The following CCT3 variants were observed in gnomAD, a reference collection of about 807,000 sequenced individuals.
CCT3 encodes the protein chaperonin containing TCP1 subunit 3.
A neutral mutation model predicts 65.3 loss-of-function variants in CCT3; 10 were observed. That is an observed-to-expected ratio of 0.15 (90% CI 0.09 to 0.26). The LOEUF is 0.26. Among genes scored for constraint, CCT3 ranks in the 10% least tolerant of loss-of-function variants. CCT3 has a pLI of 1.00. For missense variants in CCT3, 626 were observed against 708.7 expected (o/e 0.88, Z 1.33); for synonymous variants, 225 against 242.3 (o/e 0.93, Z 0.66).
At chr1:156,335,022 G>A in intron 2 of CCT3, 104 bp from the exon 3 acceptor site, 6 of 894,394 alleles carry the variant, frequency 6.7e-6, no homozygotes, top group South Asian at 6.4e-5. Context: ...CAGAGTCAGT[G>A]TTTTATTTTA....
At chr1:156,334,592 C>T (rs1311690707) in intron 4 of CCT3, 121 bp downstream of exon 4, 1 of 858,222 alleles carries the variant, frequency 1.2e-6, no homozygotes, top group East Asian at 2.7e-5. Context: ...TGAAGCCAAC[C>T]AGTTTCTGGT....
chr1:156,309,512 C>T (rs904355086), intron 13 of CCT3, among the ~76,000 whole-genome samples: 5 of 151,920 alleles, frequency 3.3e-5, no homozygotes, highest in South Asian at 2.1e-4. Context: ...CTGCAACCTC[C>T]GCCTCCCGGG....
At chr1:156,325,834 C>T (rs1184509924) in intron 5 of CCT3, among the ~76,000 whole-genome samples, 2 of 151,952 alleles carry the variant, frequency 1.3e-5, no homozygotes, top group Non-Finnish European at 1.5e-5. Flanking sequence ...CTGTCCACCT[C>T]GGCCACCCAA....
At chr1:156,337,869 A>C (rs1665508126) in intron 1 of CCT3, 2 of 494,376 alleles carry the variant, frequency 4.0e-6, no homozygotes, top group Admixed American at 3.6e-5. Context: ...GGGGCGGGGG[A>C]AGCGTGGGGG....
chr1:156,337,942 G>T (rs1665515013), intron 1 of CCT3, among the ~76,000 whole-genome samples: 1 of 152,194 alleles, frequency 6.6e-6, no homozygotes, highest in African/African-American at 2.4e-5. Context: ...AAGGAAAGAG[G>T]CTCGGCGAGA....
rs199588420 is a variant in CCT3, at chr1:156,311,109, G to A, written c.1242C>T (p.Ser414=). 6.4e-5 allele frequency: 103 copies of A among 1,614,148 alleles called. No homozygotes were observed. The highest frequency in any genetic ancestry group is 5.1e-4 in the East Asian group (23 of 44,884). ...TCAAGGCATGGGCCACAGCCATCTC[G>A]GAGGCCCCACCCCCTGGCACCAGCT... ...DPQLVPGGGA[S]EMAVAHALTE... The change falls in exon 12 of 14, where the codon TCC becomes TCT. Residue 414 remains serine, a synonymous_variant. Coordinates refer to ENST00000295688, the MANE Select transcript of CCT3 (RefSeq NM_005998.5).
intron 1 of CCT3, among the ~76,000 whole-genome samples, chr1:156,336,682 T>C (rs776048995): frequency 2.6e-5 from 4 of 152,310 alleles, no homozygotes; most frequent in South Asian, 4.1e-4. Flanking sequence ...CCCCAGGCCA[T>C]GTCAGTGGAG....
rs1384032956 is a variant in CCT3, at chr1:156,338,176, G to C, written c.9C>G (p.Gly3=). The part of the protein sequence containing the change: MM[G]HRPVLVLSQN... Reference sequence around the variant, plus strand: ...CACTGAGCACGAGCACTGGACGATGGCCCATCATGGCGACGCGATGCAGAG... The same window carrying C: ...CACTGAGCACGAGCACTGGACGATGCCCCATCATGGCGACGCGATGCAGAG... The change falls in exon 1 of 14, where the codon GGC becomes GGG. Residue 3 remains glycine (G), a synonymous_variant. Coordinates refer to ENST00000295688, the MANE Select transcript of CCT3 (RefSeq NM_005998.5). 1 of 1,588,542 alleles carries C rather than the reference G, an allele frequency of 6.3e-7. No individual in the cohort carries two copies. The highest frequency in any genetic ancestry group is 1.2e-5 in the South Asian group (1 of 86,606).
intron 5 of CCT3, among the ~76,000 whole-genome samples, chr1:156,326,193 G>A (rs1271088081): frequency 6.6e-6 from 1 of 152,024 alleles, no homozygotes; most frequent in Non-Finnish European, 1.5e-5. Flanking sequence ...AAATTAGCCA[G>A]GTATGGTGGC....
chr1:156,336,792 G>C (rs891747838), intron 1 of CCT3, among the ~76,000 whole-genome samples: 2 of 151,862 alleles, frequency 1.3e-5, no homozygotes, highest in Non-Finnish European at 2.9e-5. Context: ...TTTCAATCCA[G>C]TCCCATCAAA....
Position 156,325,100 on chromosome 1 carries a change from T to C in CCT3, c.305-11A>G, listed in dbSNP as rs1399469052. On this transcript the variant is annotated splice_polypyrimidine_tract_variant and intron_variant, in intron 5 of 13. Transcript: ENST00000295688. ...ACAGCATTTCCCCTGCTGAAAAAGA[T>C]ACAAGCACCATAGTAATATTTAAAG... 1 of 1,564,726 alleles carries C rather than the reference T, an allele frequency of 6.4e-7. No homozygotes were observed. The highest frequency in any genetic ancestry group is 8.8e-7 in the Non-Finnish European group (1 of 1,138,608).
chr1:156,332,479 A>G (rs971329638), intron 5 of CCT3, among the ~76,000 whole-genome samples: 4 of 152,222 alleles, frequency 2.6e-5, no homozygotes, highest in Non-Finnish European at 4.4e-5. Flanking sequence ...TCATTATCCT[A>G]AAGATTTCAT....
chr1:156,313,339 A>T (rs79546912), intron 10 of CCT3, among the ~76,000 whole-genome samples: 2 of 121,504 alleles, frequency 1.6e-5, no homozygotes, highest in Non-Finnish European at 3.4e-5. Flanking sequence ...ATTCTGTCTC[A>T]AAAAAAAAAA....
At chr1:156,309,910 C>T (rs1664006136) in intron 13 of CCT3, among the ~76,000 whole-genome samples, 1 of 151,272 alleles carries the variant, frequency 6.6e-6, no homozygotes, top group African/African-American at 2.4e-5. Flanking sequence ...TGGTGGCAGG[C>T]ACCTGTAATC....
At chr1:156,334,613 A>C (rs1042521798) in intron 4 of CCT3, 100 bp downstream of exon 4, 2 of 1,039,250 alleles carry the variant, frequency 1.9e-6, no homozygotes, top group Non-Finnish European at 2.9e-6. Context: ...AATCTGTTAT[A>C]GCAGCCCTAA....
intron 5 of CCT3, among the ~76,000 whole-genome samples, chr1:156,327,730 C>T (rs1167844089): frequency 5.4e-5 from 8 of 147,814 alleles, no homozygotes; most frequent in Admixed American, 2.0e-4. Context: ...AAGTGAGGAG[C>T]GTCTCTGCCT....
chr1:156,333,858 T>A (rs1396647512), intron 4 of CCT3, among the ~76,000 whole-genome samples: 2 of 152,210 alleles, frequency 1.3e-5, no homozygotes, highest in Non-Finnish European at 2.9e-5. Context: ...TGAACTCAAC[T>A]ATTAAAGCTG....
chr1:156,310,072 C>G, intron 13 of CCT3, among the ~76,000 whole-genome samples: 1 of 145,708 alleles, frequency 6.9e-6, no homozygotes, highest in Non-Finnish European at 1.5e-5. Context: ...AAATGCACTT[C>G]TCCCTAAGCA....
chr1:156,332,346 TA>T (rs1480143946), intron 5 of CCT3, among the ~76,000 whole-genome samples: 1 of 152,222 alleles, frequency 6.6e-6, no homozygotes, highest in Non-Finnish European at 1.5e-5. Flanking sequence ...GTTTCTAGTA[TA>T]AAAATTTTAC....
Sources: allele counts gnomAD v4.1 joint callset (sites outside exome capture counted in the v4.1 genomes callset), GRCh38; gene constraint gnomAD v4.1.1; transcripts MANE v1.5; gene names NCBI Gene and HGNC (gene_info 2026-07-23, HGNC 2026-07-21).